The following HECW2 variants were observed in gnomAD, a reference collection of about 807,000 sequenced individuals.
HECW2 encodes E3 ubiquitin-protein ligase HECW2.
Under a neutral mutation model 175.2 loss-of-function variants are expected in HECW2, and 61 were observed. The ratio of observed to expected loss-of-function variants is 0.35; its 90% CI spans 0.28 to 0.43. The LOEUF (loss-of-function observed/expected upper bound fraction) is 0.43. Ranked by LOEUF, HECW2 falls within the 20% of genes least tolerant of loss-of-function variation. The pLI, the probability that HECW2 is intolerant of heterozygous loss-of-function variation, is 1.00. For synonymous variants in HECW2, 671 were observed against 731.0 expected (o/e 0.92, Z 1.32); for missense variants, 1,524 against 2,000.5 (o/e 0.76, Z 4.54).
chr2:196,501,146 ACT>A (rs1485679399), intron 1 of HECW2, among the ~76,000 whole-genome samples: 1 of 152,224 alleles, frequency 6.6e-6, no homozygotes, highest in Non-Finnish European at 1.5e-5. Flanking sequence ...TATCAGAATA[ACT>A]TTTTTAAATT....
chr2:196,247,827 T>G (rs1021284507), intron 19 of HECW2, among the ~76,000 whole-genome samples: 3 of 152,188 alleles, frequency 2.0e-5, no homozygotes, highest in Non-Finnish European at 4.4e-5. Flanking sequence ...TTCTGATGAC[T>G]AGCACTGGTT....
intron 2 of HECW2, among the ~76,000 whole-genome samples, chr2:196,344,396 C>T (rs1397934773): frequency 6.6e-6 from 1 of 151,536 alleles, no homozygotes; most frequent in East Asian, 1.9e-4. Context: ...CAGTGATCCC[C>T]CCAAAAGGCC....
chr2:196,481,062 A>T (rs548535762), intron 1 of HECW2, among the ~76,000 whole-genome samples: 1 of 152,350 alleles, frequency 6.6e-6, no homozygotes, highest in South Asian at 2.1e-4. Flanking sequence ...GACACTGAAA[A>T]GCTTTCATTA....
intron 2 of HECW2, among the ~76,000 whole-genome samples, chr2:196,360,483 G>A (rs1693548921): frequency 6.6e-6 from 1 of 152,120 alleles, no homozygotes; most frequent in East Asian, 1.9e-4. Flanking sequence ...CTTGTAAGTG[G>A]GAGCTAAGAG....
intron 1 of HECW2, among the ~76,000 whole-genome samples, chr2:196,490,702 C>A (rs562139876): frequency 1.3e-5 from 2 of 152,146 alleles, no homozygotes; most frequent in African/African-American, 4.8e-5. Flanking sequence ...AAAAACCAAC[C>A]CAAATGTCCA....
At chr2:196,220,190 G>T in intron 25 of HECW2, 37 bp from the exon 26 acceptor site, 1 of 1,336,638 alleles carries the variant, frequency 7.5e-7, no homozygotes, top group Non-Finnish European at 1.1e-6. Flanking sequence ...TGGCTTAGGA[G>T]CCTGGAGAAA....
chr2:196,473,952 C>T (rs1348805737), intron 1 of HECW2, among the ~76,000 whole-genome samples: 2 of 152,286 alleles, frequency 1.3e-5, no homozygotes, highest in Admixed American at 6.5e-5. Flanking sequence ...GGGCTTTTGC[C>T]TGATACAATG....
chr2:196,203,358 C>T (rs77671862), intron 28 of HECW2, among the ~76,000 whole-genome samples: 2 of 152,132 alleles, frequency 1.3e-5, no homozygotes, highest in African/African-American at 4.8e-5. Flanking sequence ...TTGTATACTA[C>T]ACTAGAGTCC....
At chr2:196,259,074 A>T (rs1157948426) in intron 17 of HECW2, among the ~76,000 whole-genome samples, 2 of 152,130 alleles carry the variant, frequency 1.3e-5, no homozygotes, top group African/African-American at 4.8e-5. Context: ...CCTGGGTTCA[A>T]ATGATTCTCC....
At chr2:196,421,895 A>G (rs1695415899) in intron 2 of HECW2, among the ~76,000 whole-genome samples, 1 of 152,008 alleles carries the variant, frequency 6.6e-6, no homozygotes, top group Non-Finnish European at 1.5e-5. Flanking sequence ...ATTTTCGAAA[A>G]CCCATCTAAT....
chr2:196,235,398 C>T (rs932301180), intron 21 of HECW2, among the ~76,000 whole-genome samples: 1 of 151,916 alleles, frequency 6.6e-6, no homozygotes, highest in African/African-American at 2.4e-5. Flanking sequence ...CCACGCCTGG[C>T]CTTATTTTTG....
intron 2 of HECW2, among the ~76,000 whole-genome samples, chr2:196,409,998 T>A (rs1695066571): frequency 6.6e-6 from 1 of 152,112 alleles, no homozygotes; most frequent in Non-Finnish European, 1.5e-5. Context: ...TGACCTGAGA[T>A]TGGTATATGG....
chr2:196,369,420 A>G (rs1384382373), intron 2 of HECW2, among the ~76,000 whole-genome samples: 6 of 149,732 alleles, frequency 4.0e-5, no homozygotes, highest in Non-Finnish European at 8.9e-5. Flanking sequence ...GGAATGACAC[A>G]TGGACTCCTG....
chr2:196,446,733 A>G (rs986396362), intron 1 of HECW2, among the ~76,000 whole-genome samples: 1 of 152,216 alleles, frequency 6.6e-6, no homozygotes, highest in African/African-American at 2.4e-5. Flanking sequence ...AATCAACAAA[A>G]GGTGCATCAA....
chr2:196,365,492 T>C (rs567487185), intron 2 of HECW2, among the ~76,000 whole-genome samples: 2 of 152,334 alleles, frequency 1.3e-5, no homozygotes, highest in South Asian at 4.1e-4. Flanking sequence ...ATTGGAGACT[T>C]TTTCTTCGAA....
chr2:196,355,456 T>G (rs1311928850), intron 2 of HECW2, among the ~76,000 whole-genome samples: 2 of 152,228 alleles, frequency 1.3e-5, no homozygotes, highest in Non-Finnish European at 2.9e-5. Context: ...AATGCCTCAA[T>G]CCTATCCCCT....
chr2:196,557,779 T>C (rs961298030), intron 1 of HECW2, among the ~76,000 whole-genome samples: 3 of 152,316 alleles, frequency 2.0e-5, no homozygotes, highest in South Asian at 2.1e-4. Context: ...ATGTAAAATA[T>C]ATGCATGTAG....
chr2:196,403,290 A>G (rs1328322326), intron 2 of HECW2, among the ~76,000 whole-genome samples: 1 of 152,208 alleles, frequency 6.6e-6, no homozygotes, highest in African/African-American at 2.4e-5. Context: ...AATGTACAAG[A>G]AAGTATTTAA....
rs1553499468 is a variant in HECW2, at chr2:196,319,116, G to A, written c.1774C>T (p.Arg592Ter). The change falls in exon 9 of 29, where the codon CGA (arginine) becomes TGA (stop). Residue 592 changes from arginine to a stop codon, truncating the protein, a stop_gained. Transcript: ENST00000644978. LOFTEE classifies it high-confidence loss of function. ...TGTSDASGGS[R>*]RAVSETESLD... ...GACTCGGTCTCACTGACGGCTCTTC[G>A]GCTTCCTCCTGATGCATCGGAAGTC... The A allele has an allele frequency of 6.3e-7, 1 of 1,593,782 alleles. No individual in the cohort carries two copies. The highest frequency in any genetic ancestry group is 8.5e-7 in the Non-Finnish European group (1 of 1,170,004).
Sources: allele counts gnomAD v4.1 joint callset (sites outside exome capture counted in the v4.1 genomes callset), GRCh38; gene constraint gnomAD v4.1.1; transcripts MANE v1.5; gene names NCBI Gene and HGNC (gene_info 2026-07-23, HGNC 2026-07-21).